FMNL2: variants seen among roughly 807,000 people sequenced by gnomAD.
The protein encoded by FMNL2 is formin like 2.
Under a neutral mutation model 130.2 loss-of-function variants are expected in FMNL2, and 51 were observed. The observed-to-expected ratio is 0.39, with a 90% confidence interval of 0.31 to 0.49. The LOEUF (loss-of-function observed/expected upper bound fraction) is 0.49, where lower values mean the gene tolerates loss of function less well. Ranked by LOEUF, FMNL2 falls within the 20% of genes least tolerant of loss-of-function variation. FMNL2 has a pLI of 0.85. For synonymous variants in FMNL2, 465 were observed against 467.1 expected (o/e 1.00, Z 0.06); for missense variants, 977 against 1,316.2 (o/e 0.74, Z 3.99).
chr2:152,551,390 A>G (rs776886328), intron 4 of FMNL2, among the ~76,000 whole-genome samples: 15 of 150,970 alleles, frequency 9.9e-5, no homozygotes, highest in Middle Eastern at 3.4e-3. Flanking sequence ...CCCACCATCT[A>G]TGTGAGGAAC....
At chr2:152,375,908 T>G (rs1232336487) in intron 1 of FMNL2, among the ~76,000 whole-genome samples, 1 of 148,320 alleles carries the variant, frequency 6.7e-6, no homozygotes, top group Non-Finnish European at 1.5e-5. Context: ...ATTATTATTA[T>G]TTTTTGAGAC....
intron 9 of FMNL2, among the ~76,000 whole-genome samples, chr2:152,599,836 G>T (rs951236739): frequency 6.6e-6 from 1 of 152,170 alleles, no homozygotes; most frequent in Non-Finnish European, 1.5e-5. Flanking sequence ...CAGTTTCAGA[G>T]CATTTCAGCT....
chr2:152,443,291 C>A (rs770023612), intron 1 of FMNL2, among the ~76,000 whole-genome samples: 2 of 152,038 alleles, frequency 1.3e-5, no homozygotes, highest in Non-Finnish European at 2.9e-5. Flanking sequence ...GCAAGTCTGT[C>A]GGTGCACTAG....
At chr2:152,645,388 AT>A in intron 25 of FMNL2, 2 of 1,151,140 alleles carry the variant, frequency 1.7e-6, no homozygotes, top group Non-Finnish European at 2.3e-6. Flanking sequence ...TTTTCATCCC[AT>A]TTTTTCTTAA....
intron 1 of FMNL2, among the ~76,000 whole-genome samples, chr2:152,393,261 A>G (rs1225994524): frequency 1.3e-5 from 2 of 152,210 alleles, no homozygotes; most frequent in Non-Finnish European, 2.9e-5. Flanking sequence ...ATTATAAGAT[A>G]TGTCTTAATT....
At position 152,336,092 on chromosome 2, in the gene FMNL2, A is replaced by AAAACAAAACAAAAC. The variant is rs1553861630; in HGVS notation, c.117+375_117+376insCAAAACAAAACAAA. Among the ~76,000 whole-genome samples, 93 of 132,332 alleles carry AAAACAAAACAAAAC rather than the reference A, an allele frequency of 7.0e-4. No homozygotes were observed. In the East Asian group the frequency reaches 0.011, roughly 16 times the overall value. The allele number at this position is 132,332 out of a possible 152,430, so 86.8% of individuals were successfully genotyped here. On this transcript the variant is annotated intron_variant, in intron 1 of 25. Transcript: ENST00000288670. ...GAGCCGCTTAGGCTTTTTTTTTAAA[A>AAAACAAAACAAAAC]AAAACAAAACAAAACAAAACAAAAC...
At chr2:152,505,953 T>C (rs889827442) in intron 1 of FMNL2, among the ~76,000 whole-genome samples, 2 of 152,234 alleles carry the variant, frequency 1.3e-5, no homozygotes, top group Non-Finnish European at 2.9e-5. Context: ...GCAGGCATTT[T>C]AGATTTGTAC....
chr2:152,441,627 G>A (rs964128256), intron 1 of FMNL2, among the ~76,000 whole-genome samples: 5 of 151,972 alleles, frequency 3.3e-5, no homozygotes, highest in Admixed American at 2.6e-4. Context: ...ACCTGAGGTC[G>A]GGAGTTCGAG....
At chr2:152,542,183 CAT>C (rs760618354) in intron 2 of FMNL2, among the ~76,000 whole-genome samples, 1 of 152,156 alleles carries the variant, frequency 6.6e-6, no homozygotes, top group Non-Finnish European at 1.5e-5. Context: ...TCGGCACACA[CAT>C]GTGTACCCAT....
chr2:152,489,521 C>T (rs1419452798), intron 1 of FMNL2, among the ~76,000 whole-genome samples: 1 of 152,238 alleles, frequency 6.6e-6, no homozygotes, highest in Non-Finnish European at 1.5e-5. Flanking sequence ...ACAAGAATAA[C>T]ATGAAAGAAG....
intron 1 of FMNL2, among the ~76,000 whole-genome samples, chr2:152,471,381 G>A (rs912456497): frequency 3.3e-5 from 5 of 152,200 alleles, no homozygotes; most frequent in African/African-American, 1.2e-4. Flanking sequence ...TGAGGAGTGA[G>A]GCTGTTTAGA....
intron 1 of FMNL2, among the ~76,000 whole-genome samples, chr2:152,351,608 G>T (rs190138875): frequency 6.6e-6 from 1 of 152,246 alleles, no homozygotes; most frequent in Non-Finnish European, 1.5e-5. Flanking sequence ...TCATTGATGG[G>T]CATTTGGGTT....
intron 1 of FMNL2, among the ~76,000 whole-genome samples, chr2:152,345,242 T>C (rs1193767051): frequency 6.6e-6 from 1 of 152,224 alleles, no homozygotes; most frequent in East Asian, 1.9e-4. Flanking sequence ...TAGTAAAGGA[T>C]AATAATAGTT....
intron 1 of FMNL2, among the ~76,000 whole-genome samples, chr2:152,388,973 G>A (rs10931079): frequency 0.83 from 125,759 of 152,138 alleles, 52,249 homozygotes; most frequent in East Asian, 0.94. Flanking sequence ...TGGCTAGCAG[G>A]ATGAGGCAAT....
chr2:152,355,953 C>T (rs924632547), intron 1 of FMNL2, among the ~76,000 whole-genome samples: 4 of 152,162 alleles, frequency 2.6e-5, no homozygotes, highest in Admixed American at 1.3e-4. Context: ...TCCTTTCTCC[C>T]GCTACAGAGG....
chr2:152,569,305 C>T (rs1270463402), intron 6 of FMNL2, among the ~76,000 whole-genome samples: 1 of 152,100 alleles, frequency 6.6e-6, no homozygotes, highest in Non-Finnish European at 1.5e-5. Context: ...GCCTTGCTTG[C>T]TTTTTGTGCT....
intron 1 of FMNL2, among the ~76,000 whole-genome samples, chr2:152,507,889 T>C (rs1692261382): frequency 6.6e-6 from 1 of 152,276 alleles, no homozygotes; most frequent in East Asian, 1.9e-4. Context: ...GTATGAGTAA[T>C]TCCAAAGGTT....
chr2:152,544,662 A>G (rs1284967692), intron 3 of FMNL2, among the ~76,000 whole-genome samples: 3 of 152,110 alleles, frequency 2.0e-5, no homozygotes, highest in African/African-American at 4.8e-5. Context: ...GAAGACTGAG[A>G]CCTTTCCTCA....
chr2:152,597,993 A>G (rs1389043256), intron 9 of FMNL2, among the ~76,000 whole-genome samples: 1 of 152,150 alleles, frequency 6.6e-6, no homozygotes, highest in Non-Finnish European at 1.5e-5. Context: ...TTGGCCTGAG[A>G]TATTTGGTCT....
Sources: gnomAD v4.1 joint callset for allele counts (sites outside exome capture counted in the v4.1 genomes callset) on GRCh38, gnomAD v4.1.1 for gene constraint, MANE v1.5 for transcripts, NCBI Gene and HGNC (gene_info 2026-07-23, HGNC 2026-07-21) for gene names.